PTPRG: variants seen among roughly 807,000 people sequenced by gnomAD.
PTPRG encodes receptor-type tyrosine-protein phosphatase gamma.
In PTPRG, 102 loss-of-function variants were observed where a neutral mutation model predicts 165.3. The ratio of observed to expected loss-of-function variants is 0.62; its 90% CI spans 0.53 to 0.73. The LOEUF (loss-of-function observed/expected upper bound fraction) is 0.73, where lower values mean the gene tolerates loss of function less well. Ranked by LOEUF, PTPRG falls within the 30% of genes least tolerant of loss-of-function variation. PTPRG has a pLI of 0.00. For synonymous variants in PTPRG, 675 were observed against 669.5 expected, an observed-to-expected ratio of 1.01 and a Z score of -0.13; for missense variants, 1,866 against 1,861.4, an observed-to-expected ratio of 1.00 and a Z score of -0.05.
At chr3:61,963,755 A>G (rs1023538394) in intron 2 of PTPRG, among the ~76,000 whole-genome samples, 7 of 152,322 alleles carry the variant, frequency 4.6e-5, no homozygotes, top group Non-Finnish European at 8.8e-5. Context: ...CTAAATGAAC[A>G]TATTCATGAC....
intron 2 of PTPRG, among the ~76,000 whole-genome samples, chr3:61,981,793 A>C (rs916852659): frequency 6.6e-6 from 1 of 152,216 alleles, no homozygotes; most frequent in Admixed American, 6.5e-5. Context: ...TACATGTAAC[A>C]AAATTGAATT....
At chr3:62,200,383 G>A (rs1160505389) in intron 10 of PTPRG, among the ~76,000 whole-genome samples, 1 of 152,034 alleles carries the variant, frequency 6.6e-6, no homozygotes, top group Non-Finnish European at 1.5e-5. Context: ...CGATTCTCCT[G>A]CCTCAGCCTC....
At chr3:62,030,345 A>G (rs1409993445) in intron 4 of PTPRG, among the ~76,000 whole-genome samples, 1 of 152,162 alleles carries the variant, frequency 6.6e-6, no homozygotes, top group African/African-American at 2.4e-5. Context: ...CAGATTCCTC[A>G]TGAAAACAGT....
chr3:61,717,562 C>T lies in PTPRG; in HGVS notation c.86-31316C>T, dbSNP rs146735588. On this transcript the variant is annotated intron_variant, in intron 1 of 29. Transcript: ENST00000474889. ...CAGCACTTTGGGAGGCCGAGGCAAG[C>T]GGATCATGAGGTCAAGAGATCGAGA... Among the ~76,000 whole-genome samples, 107 of 151,822 alleles carry T rather than the reference C, an allele frequency of 7.0e-4. No homozygotes were observed. In the East Asian group the frequency reaches 0.015, roughly 21 times the overall value.
chr3:61,652,916 AGCCT>A (rs1385613206), intron 1 of PTPRG, among the ~76,000 whole-genome samples: 2 of 152,222 alleles, frequency 1.3e-5, no homozygotes, highest in Non-Finnish European at 2.9e-5. Context: ...AAGGGTCAGA[AGCCT>A]GTTTGGCAGC....
intron 12 of PTPRG, among the ~76,000 whole-genome samples, chr3:62,209,682 C>CGTG (rs372950177): frequency 3.9e-5 from 6 of 152,136 alleles, no homozygotes; most frequent in African/African-American, 1.2e-4. Context: ...CTGGCATGTC[C>CGTG]GTGGGAACAA....
chr3:62,139,094 C>T (rs888836795), intron 6 of PTPRG, among the ~76,000 whole-genome samples: 19 of 152,160 alleles, frequency 1.2e-4, no homozygotes, highest in Admixed American at 1.1e-3. Context: ...CTTTCCTCTC[C>T]TGGAGAATGT....
At chr3:61,845,344 A>C (rs774936984) in intron 2 of PTPRG, among the ~76,000 whole-genome samples, 2 of 152,222 alleles carry the variant, frequency 1.3e-5, no homozygotes, top group Non-Finnish European at 2.9e-5. Flanking sequence ...GATGAGGACA[A>C]ATAACTTAAC....
In PTPRG at chr3:62,081,298, A is replaced by AC. The variant is rs1559786061; in HGVS notation, c.615+3041dup. ...CAAACAAACAAACAAACAAACAAAAACATAATTTTACATAGATAGCAGCTG... is the reference window on the plus strand; with the variant it reads ...CAAACAAACAAACAAACAAACAAAAACCATAATTTTACATAGATAGCAGCTG... On this transcript the variant is annotated intron_variant, in intron 5 of 29. Coordinates refer to ENST00000474889, the MANE Select transcript of PTPRG (RefSeq NM_002841.4). 6.6e-5 allele frequency among the ~76,000 whole-genome samples: 10 copies of AC among 151,866 alleles called. No individual in the cohort carries two copies. The East Asian group carries it at 1.2e-3, about 18-fold the overall frequency.
At chr3:61,669,937 T>G (rs1702922542) in intron 1 of PTPRG, among the ~76,000 whole-genome samples, 1 of 152,118 alleles carries the variant, frequency 6.6e-6, no homozygotes, top group Non-Finnish European at 1.5e-5. Context: ...AAGAGGTAGC[T>G]TGGTAGGGTG....
At chr3:61,623,257 A>T (rs1411165066) in intron 1 of PTPRG, among the ~76,000 whole-genome samples, 1 of 152,176 alleles carries the variant, frequency 6.6e-6, no homozygotes, top group African/African-American at 2.4e-5. Flanking sequence ...CATTGGCCCT[A>T]CCATGTTTTG....
At chr3:61,824,676 C>A (rs1344583654) in intron 2 of PTPRG, among the ~76,000 whole-genome samples, 1 of 152,116 alleles carries the variant, frequency 6.6e-6, no homozygotes, top group Admixed American at 6.5e-5. Flanking sequence ...TGGCACATGC[C>A]TGTACTCAAG....
chr3:61,748,510 G>A (rs2033300013), intron 1 of PTPRG, among the ~76,000 whole-genome samples: 1 of 152,186 alleles, frequency 6.6e-6, no homozygotes. Context: ...CCTTGGTCAA[G>A]TTAAAGTTCT....
chr3:61,998,451 T>C (rs1486380834), intron 3 of PTPRG, among the ~76,000 whole-genome samples: 2 of 152,206 alleles, frequency 1.3e-5, no homozygotes, highest in Non-Finnish European at 2.9e-5. Flanking sequence ...TTAACAAACC[T>C]GTGAAGTAGC....
intron 1 of PTPRG, among the ~76,000 whole-genome samples, chr3:61,742,299 G>A (rs2033021520): frequency 6.6e-6 from 1 of 151,876 alleles, no homozygotes; most frequent in South Asian, 2.1e-4. Context: ...CGGTGGCTCT[G>A]GGAAATTAAA....
rs74545568 is a variant in PTPRG, at chr3:61,886,083, A to T, written c.191-103542A>T. Among the ~76,000 whole-genome samples the T allele has an allele frequency of 1.5e-3, 227 of 152,138 alleles. 4 individuals are homozygous for T. The East Asian group carries it at 0.041, about 27-fold the overall frequency. On this transcript the variant is annotated intron_variant, in intron 2 of 29. Transcript: ENST00000474889. Reference sequence around the variant, plus strand: ...CCCTGACATGTCATGTACTACTTGGAGAAAGAGAGAGGAGAACCTATCATG... The same window carrying T: ...CCCTGACATGTCATGTACTACTTGGTGAAAGAGAGAGGAGAACCTATCATG...
chr3:61,695,789 TGCCAAGTGAACAATA>T (rs1032309251), intron 1 of PTPRG, among the ~76,000 whole-genome samples: 1 of 152,238 alleles, frequency 6.6e-6, no homozygotes, highest in African/African-American at 2.4e-5. Context: ...TTATTGTTTT[TGCCAAGTGAACAATA>T]GTTCGAATCA....
intron 1 of PTPRG, among the ~76,000 whole-genome samples, chr3:61,562,752 C>G (rs982053584): frequency 3.3e-5 from 5 of 151,936 alleles, no homozygotes; most frequent in Non-Finnish European, 7.4e-5. Flanking sequence ...GGAAAGGATG[C>G]TTCTGTGGGT....
At chr3:62,114,408 C>T (rs1702785900) in intron 5 of PTPRG, among the ~76,000 whole-genome samples, 1 of 152,122 alleles carries the variant, frequency 6.6e-6, no homozygotes. Context: ...ACCAAGTACA[C>T]AGGTAATCAG....
Sources: allele counts gnomAD v4.1 joint callset (sites outside exome capture counted in the v4.1 genomes callset), GRCh38; gene constraint gnomAD v4.1.1; transcripts MANE v1.5; gene names NCBI Gene and HGNC (gene_info 2026-07-23, HGNC 2026-07-21).